TXNRD2: variants seen among roughly 807,000 people sequenced by gnomAD.
The protein encoded by TXNRD2 is thioredoxin reductase 2, also known as thioredoxin reductase 2, mitochondrial.
In TXNRD2, 67 loss-of-function variants were observed where a neutral mutation model predicts 70.8. The observed-to-expected ratio is 0.95, with a 90% CI of 0.78 to 1.16. The LOEUF (loss-of-function observed/expected upper bound fraction) is 1.16. Ranked by LOEUF, TXNRD2 falls within the 50% of genes most tolerant of loss-of-function variation. The pLI is 0.00. For missense variants in TXNRD2, 644 were observed against 719.9 expected (o/e 0.89, Z 1.21); for synonymous variants, 301 against 295.8 (o/e 1.02, Z -0.18).
chr22:19,905,196 T>C (rs568174601), intron 8 of TXNRD2, among the ~76,000 whole-genome samples: 43 of 152,280 alleles, frequency 2.8e-4, no homozygotes, highest in African/African-American at 1.0e-3. Flanking sequence ...ATCTCCAGCT[T>C]AATTTTTAAA....
In TXNRD2 at chr22:19,915,514, C is replaced by A. The variant is rs548555878; in HGVS notation, c.529-238G>T. Among the ~76,000 whole-genome samples, 12 of 152,292 alleles carry A rather than the reference C, an allele frequency of 7.9e-5. No individual in the cohort carries two copies. The East Asian group carries it at 2.3e-3, about 29-fold the overall frequency. On this transcript the variant is annotated intron_variant, in intron 6 of 17. Coordinates refer to ENST00000400521, the MANE Select transcript of TXNRD2 (RefSeq NM_006440.5). ...TTCTAACTCCAAGCACTTCAAGGCACCCTCAAATCCCCAAAAAATCCTGCA... is the reference window on the plus strand; with the variant it reads ...TTCTAACTCCAAGCACTTCAAGGCAACCTCAAATCCCCAAAAAATCCTGCA...
intron 2 of TXNRD2, among the ~76,000 whole-genome samples, chr22:19,924,640 C>T (rs1453382641): frequency 6.6e-6 from 1 of 152,154 alleles, no homozygotes; most frequent in African/African-American, 2.4e-5. Context: ...ATGAAAAATA[C>T]ACTGGACGGG....
chr22:19,924,798 T>C (rs910953193), intron 2 of TXNRD2, among the ~76,000 whole-genome samples: 10 of 151,950 alleles, frequency 6.6e-5, no homozygotes, highest in Admixed American at 4.6e-4. Flanking sequence ...TGCAGCCTAA[T>C]ATACATGGAA....
At chr22:19,876,093 G>C (rs879273890) in intron 17 of TXNRD2, 1 of 152,348 alleles carries the variant, frequency 6.6e-6, no homozygotes, top group Non-Finnish European at 1.5e-5. Context: ...TCCCTATCGA[G>C]CGCGGCCCCG....
chr22:19,883,391 C>G lies in TXNRD2; in HGVS notation c.1020G>C (p.Lys340Asn). ...TGGCTTCCCGGGAGTCCACCAGGAT[C>G]TTCTGAGTGTCGGGGCTAGTATCTA... is the stretch of plus-strand genomic sequence containing the variant. ...AGVDTSPDTQ[K>N]ILVDSREATS... is the part of the protein sequence containing the mutation. The change falls in exon 12 of 18, where the codon AAG (lysine) becomes AAC (asparagine). Residue 340 changes from lysine to asparagine, a missense_variant. By Grantham distance (94) the Lys-to-Asn change is moderately conservative. This residue lies in a region of TXNRD2 where 566 missense variants were observed against 645.0 expected (regional missense o/e 0.88). Transcript: ENST00000400521. 1.2e-6 allele frequency: 2 copies of G among 1,614,086 alleles called. No individual in the cohort carries two copies. The highest frequency in any genetic ancestry group is 1.7e-6 in the Non-Finnish European group (2 of 1,180,032).
chr22:19,906,095 A>T (rs1005176774), intron 8 of TXNRD2, among the ~76,000 whole-genome samples: 1 of 152,164 alleles, frequency 6.6e-6, no homozygotes, highest in African/African-American at 2.4e-5. Context: ...ACAGAGGATC[A>T]CATCCCTAAT....
chr22:19,916,089 C>T, intron 5 of TXNRD2: 1 of 491,964 alleles, frequency 2.0e-6, no homozygotes, highest in Non-Finnish European at 3.7e-6. Context: ...GGGACGGAAG[C>T]CAGCTCAGCA....
chr22:19,904,524 G>T (rs1317340160), intron 8 of TXNRD2, among the ~76,000 whole-genome samples: 2 of 152,222 alleles, frequency 1.3e-5, no homozygotes, highest in Non-Finnish European at 2.9e-5. Context: ...GGCAAAAGTG[G>T]CATGGTACGA....
Position 19,941,713 on chromosome 22 carries a change from G to A in TXNRD2, c.91C>T (p.Arg31Trp), listed in dbSNP as rs1297516376. The change falls in exon 1 of 18, where the codon CGG becomes TGG. Residue 31 changes from arginine (R) to tryptophan (W), a missense_variant. Arg to Trp is a moderately radical substitution (Grantham distance 101). Coordinates refer to ENST00000400521, the MANE Select transcript of TXNRD2 (RefSeq NM_006440.5). Reference protein sequence around the residue: ...AVAGGVRGAARGAAAGQRDYD... With the variant: ...AVAGGVRGAAWGAAAGQRDYD... ...GACCCCATCCTACCTGCTGCGCCCC[G>A]CGCCGCGCCCCGCACCCCGCCCGCC... The A allele has an allele frequency of 6.7e-7, 1 of 1,483,802 alleles. No individual in the cohort carries two copies. Among genetic ancestry groups the A allele is most frequent in the Non-Finnish European group, 8.9e-7 (1 of 1,124,342 alleles). The allele number at this position is 1,483,802 out of a possible 1,614,324, so 91.9% of individuals were successfully genotyped here.
At position 19,895,515 on chromosome 22, in the gene TXNRD2, G is replaced by A. The variant is rs767831388; in HGVS notation, c.841C>T (p.Pro281Ser). 1 of 1,613,864 alleles carries A rather than the reference G, an allele frequency of 6.2e-7. No homozygotes were observed. Among genetic ancestry groups the A allele is most frequent in the Non-Finnish European group, 8.5e-7 (1 of 1,180,036 alleles). ...TCAGGGAGCCTCCTGACCCGCGAGGGGGCACAGCCCCTCAGGAACCGGGTG... is the reference window on the plus strand; with the variant it reads ...TCAGGGAGCCTCCTGACCCGCGAGGAGGCACAGCCCCTCAGGAACCGGGTG... ...HGTRFLRGCA[P>S]SRVRRLPDGQ... Residue 281 changes from proline (P) to serine (S), a missense_variant, in exon 11 of 18, where the codon CCC (proline) becomes TCC (serine). This residue lies in a region of TXNRD2 where 566 missense variants were observed against 645.0 expected (regional missense o/e 0.88). Transcript: ENST00000400521.
At chr22:19,921,000 G>A (rs531430639) in intron 2 of TXNRD2, among the ~76,000 whole-genome samples, 3 of 152,112 alleles carry the variant, frequency 2.0e-5, no homozygotes, top group East Asian at 3.9e-4. Flanking sequence ...CCAGTTACTC[G>A]GGAGGCTGAG....
In TXNRD2 at chr22:19,885,123, G is replaced by C. The variant is rs192499518; in HGVS notation, c.950-1662C>G. Among the ~76,000 whole-genome samples the C allele has an allele frequency of 4.6e-5, 7 of 152,256 alleles. No homozygotes were observed. The East Asian group carries it at 1.4e-3, about 29-fold the overall frequency. On this transcript the variant is annotated intron_variant, in intron 11 of 17. Coordinates refer to ENST00000400521, the MANE Select transcript of TXNRD2 (RefSeq NM_006440.5). Reference sequence around the variant, plus strand: ...GCACCGCATGGGCCTCTTCATAGCCGAACAGCCAGCAGAGGTCCCTTTCTC... The same window carrying C: ...GCACCGCATGGGCCTCTTCATAGCCCAACAGCCAGCAGAGGTCCCTTTCTC...
intron 8 of TXNRD2, among the ~76,000 whole-genome samples, chr22:19,907,541 T>G (rs1601431082): frequency 5.7e-5 from 2 of 34,992 alleles, no homozygotes; most frequent in Non-Finnish European, 1.1e-4. Context: ...GCGCCGTGGG[T>G]AGCAGTGACC....
intron 1 of TXNRD2, among the ~76,000 whole-genome samples, chr22:19,932,160 CAAAA>C (rs35254160): frequency 3.7e-5 from 3 of 80,996 alleles, no homozygotes; most frequent in African/African-American, 4.2e-5. Flanking sequence ...GACTCCGTCT[CAAAA>C]AAAAAAAAAA....
chr22:19,921,137 AG>A (rs1479292564), intron 2 of TXNRD2, among the ~76,000 whole-genome samples: 1 of 143,814 alleles, frequency 7.0e-6, no homozygotes, highest in African/African-American at 2.9e-5. Flanking sequence ...AATGTCCACA[AG>A]GCACAGTGGC....
At chr22:19,934,974 T>G (rs1764660500) in intron 1 of TXNRD2, among the ~76,000 whole-genome samples, 1 of 152,228 alleles carries the variant, frequency 6.6e-6, no homozygotes, top group Non-Finnish European at 1.5e-5. Context: ...TTGTGTTAAC[T>G]GTAGAAATTG....
intron 11 of TXNRD2, chr22:19,894,620 C>A: frequency 5.5e-6 from 1 of 180,658 alleles, no homozygotes; most frequent in Non-Finnish European, 1.2e-5. Flanking sequence ...AGAGAGAGAC[C>A]CTGTTTCACA....
chr22:19,909,874 T>TCACACAACCACACACACCCTACTCA lies in TXNRD2; in HGVS notation c.662+1502_662+1503insTGAGTAGGGTGTGTGTGGTTGTGTG, dbSNP rs1555911628. ...CACACACACACCACACACACACCAC[T>TCACACAACCACACACACCCTACTCA]CACACACACCACTCACACACACACA... On this transcript the variant is annotated intron_variant, in intron 8 of 17. Coordinates refer to ENST00000400521, the MANE Select transcript of TXNRD2 (RefSeq NM_006440.5). Among the ~76,000 whole-genome samples, 193 of 40,614 alleles carry TCACACAACCACACACACCCTACTCA rather than the reference T, an allele frequency of 4.8e-3. 8 individuals are homozygous for TCACACAACCACACACACCCTACTCA. The highest frequency in any genetic ancestry group is 0.015 in the African/African-American group (174 of 11,772). The allele number at this position is 40,614 out of a possible 152,430, so 26.6% of individuals were successfully genotyped here.
chr22:19,927,255 T>C (rs1015233085), intron 2 of TXNRD2, among the ~76,000 whole-genome samples: 7 of 151,752 alleles, frequency 4.6e-5, no homozygotes, highest in African/African-American at 1.2e-4. Flanking sequence ...GATTGTGCCA[T>C]TGCACTCCAG....
Sources: allele counts gnomAD v4.1 joint callset (sites outside exome capture counted in the v4.1 genomes callset), GRCh38; gene constraint gnomAD v4.1.1; regional missense constraint gnomAD v4.1.1; transcripts MANE v1.5; gene names NCBI Gene and HGNC (gene_info 2026-07-23, HGNC 2026-07-21).